EFHB: variants seen among roughly 807,000 people sequenced by gnomAD.
EFHB encodes the protein EF-hand domain family member B.
Under a neutral mutation model 87.2 loss-of-function variants are expected in EFHB, and 91 were observed. The ratio of observed to expected loss-of-function variants is 1.04; its 90% CI spans 0.88 to 1.24. The LOEUF is 1.24. EFHB is among the 50% of genes most tolerant of loss of function. EFHB has a pLI of 0.00. For missense variants in EFHB, 1,084 were observed against 998.8 expected (o/e 1.09, Z -1.15); for synonymous variants, 325 against 333.6 (o/e 0.97, Z 0.28).
chr3:19,904,289 A>C (rs754199916), intron 6 of EFHB, among the ~76,000 whole-genome samples: 3 of 152,232 alleles, frequency 2.0e-5, no homozygotes, highest in Admixed American at 6.5e-5. Flanking sequence ...TCACAGTCCT[A>C]GAAGCCAGAA....
intron 1 of EFHB, among the ~76,000 whole-genome samples, chr3:19,942,762 A>G (rs1243803299): frequency 6.6e-6 from 1 of 152,160 alleles, no homozygotes; most frequent in African/African-American, 2.4e-5. Context: ...AATTCACAAT[A>G]GAGTTCACAC....
At chr3:19,932,745 G>A (rs1299188818) in intron 1 of EFHB, among the ~76,000 whole-genome samples, 3 of 152,068 alleles carry the variant, frequency 2.0e-5, no homozygotes, top group African/African-American at 4.8e-5. Flanking sequence ...TCCATTACTG[G>A]AGTGAGCCTA....
At chr3:19,937,721 C>CT (rs1491042493), upstream of EFHB, among the ~76,000 whole-genome samples, 48 of 152,160 alleles carry the variant, frequency 3.2e-4, no homozygotes, top group African/African-American at 1.1e-3. Context: ...TACCAAGAGT[C>CT]TGAGTCACTC....
intron 1 of EFHB, among the ~76,000 whole-genome samples, chr3:19,923,942 T>C (rs1375281422): frequency 1.3e-5 from 2 of 152,172 alleles, no homozygotes; most frequent in Non-Finnish European, 2.9e-5. Flanking sequence ...TTTTAATATG[T>C]ACTGATGAGC....
chr3:19,941,400 G>A, intron 1 of EFHB: 1 of 166,932 alleles, frequency 6.0e-6, no homozygotes, highest in Non-Finnish European at 1.3e-5. Flanking sequence ...ATGTCAGACA[G>A]CTCTCTTATT....
intron 10 of EFHB, among the ~76,000 whole-genome samples, chr3:19,887,666 C>CA (rs528503940): frequency 1.2e-3 from 187 of 152,022 alleles, no homozygotes; most frequent in African/African-American, 4.3e-3. Context: ...CAAAATGTCG[C>CA]AAAAAAATCT....
In EFHB at chr3:19,884,477, C is replaced by T. The variant is rs1301338710; in HGVS notation, c.2072G>A (p.Ser691Asn). 6.2e-7 allele frequency: 1 copy of T among 1,613,824 alleles called. No homozygotes were observed. The highest frequency in any genetic ancestry group is 8.5e-7 in the Non-Finnish European group (1 of 1,179,890). The change falls in exon 11 of 13, where the codon AGT becomes AAT. Residue 691 changes from serine to asparagine, a missense_variant. By Grantham distance (46) the Ser-to-Asn change is conservative (BLOSUM62 1). Transcript: ENST00000295824. ...CTTATAGTAGTTGGAAACTTTATCA[C>T]TTGGTCTCAGAAGTGTCCGGAGAGT... Reference protein sequence around the residue: ...EKTLRTLLRPSDKVSNYYKTT... With the variant: ...EKTLRTLLRPNDKVSNYYKTT...
At chr3:19,942,772 C>A (rs1575060126) in intron 1 of EFHB, among the ~76,000 whole-genome samples, 1 of 152,222 alleles carries the variant, frequency 6.6e-6, no homozygotes, top group South Asian at 2.1e-4. Flanking sequence ...AGAGTTCACA[C>A]TCCTATGAGA....
At chr3:19,912,911 A>C (rs1478136187) in intron 5 of EFHB, among the ~76,000 whole-genome samples, 1 of 152,218 alleles carries the variant, frequency 6.6e-6, no homozygotes, top group African/African-American at 2.4e-5. Flanking sequence ...TCATATCAAC[A>C]GAATGAAGAG....
At chr3:19,946,771 G>A (rs1251335604) in intron 1 of EFHB, 1 of 152,110 alleles carries the variant, frequency 6.6e-6, no homozygotes, top group African/African-American at 2.4e-5. Flanking sequence ...ACAAGGGCTG[G>A]GCACAAAAAA....
upstream of EFHB, among the ~76,000 whole-genome samples, chr3:19,938,424 A>G (rs1032084719): frequency 6.6e-6 from 1 of 152,368 alleles, no homozygotes; most frequent in Admixed American, 6.5e-5. Context: ...ACACATGCTC[A>G]TAATTTTGAA....
rs76305623 is a variant in EFHB, at chr3:19,888,638, A to T, written c.1739T>A (p.Met580Lys). 0.12 allele frequency: 191,247 copies of T among 1,603,718 alleles called. 12,626 individuals carry two copies. Among genetic ancestry groups the T allele is most frequent in the South Asian group, 0.24 (20,895 of 88,848 alleles). Residue 580 changes from methionine (M) to lysine (K), a missense_variant, in exon 10 of 13, where the codon ATG becomes AAG. Coordinates refer to ENST00000295824, the MANE Select transcript of EFHB (RefSeq NM_144715.4). ...FRHYDKKGDG[M>K]IDKDELQEAC... ...TTCCTGCAGCTCGTCTTTATCTATC[A>T]TCCCATCTCCCTTCTGTTATACAGG...
rs59547593 is a variant in EFHB at position 19,908,598 on chromosome 3, G to GAAAGAAAGAAAGAA, written c.1289-2850_1289-2849insTTCTTTCTTTCTTT. On this transcript the variant is annotated intron_variant, in intron 5 of 12. Transcript: ENST00000295824. ...AGAGAGAGAGAGAGAGAGAGAGAGAGAGAAAGAAAGAAAGAAAGAAAGAAA... is the reference window on the plus strand; with the variant it reads ...AGAGAGAGAGAGAGAGAGAGAGAGAGAAAGAAAGAAAGAAAGAAAGAAAGAAAGAAAGAAAGAAA... Among the ~76,000 whole-genome samples the GAAAGAAAGAAAGAA allele has an allele frequency of 1.4e-4, 11 of 77,854 alleles. No individual in the cohort carries two copies. In the East Asian group the frequency reaches 1.7e-3, roughly 12 times the overall value. 51.1% of individuals were successfully genotyped at this position (77,854 alleles called of 152,430 possible). A position where few individuals can be genotyped will look rare whatever the true frequency, so the allele number is the denominator to read the frequency against.
intron 9 of EFHB, among the ~76,000 whole-genome samples, chr3:19,889,433 G>A (rs1694223913): frequency 6.6e-6 from 1 of 152,130 alleles, no homozygotes; most frequent in Admixed American, 6.5e-5. Flanking sequence ...CCTGCTATAA[G>A]GGAGCTTTGG....
chr3:19,912,342 T>C (rs1695090734), intron 5 of EFHB, among the ~76,000 whole-genome samples: 1 of 152,120 alleles, frequency 6.6e-6, no homozygotes, highest in South Asian at 2.1e-4. Context: ...GAATAGTATA[T>C]CTTATCTGCT....
At chr3:19,908,455 C>T (rs954251585) in intron 5 of EFHB, among the ~76,000 whole-genome samples, 2 of 151,764 alleles carry the variant, frequency 1.3e-5, no homozygotes, top group Non-Finnish European at 2.9e-5. Context: ...ATTGCTTGAA[C>T]CCAGGAGGCA....
intron 1 of EFHB, chr3:19,940,638 A>AG (rs1696135192): frequency 2.5e-6 from 1 of 400,486 alleles, no homozygotes; most frequent in South Asian, 1.8e-5. Flanking sequence ...CCACACATTT[A>AG]ATGTCTTTCT....
intron 1 of EFHB, among the ~76,000 whole-genome samples, chr3:19,941,732 C>T (rs1280371513): frequency 6.6e-6 from 1 of 151,748 alleles, no homozygotes; most frequent in Non-Finnish European, 1.5e-5. Flanking sequence ...TGGTGCATGC[C>T]TGTAATCCCA....
At chr3:19,935,523 C>T (rs1305968337), upstream of EFHB, among the ~76,000 whole-genome samples, 1 of 151,802 alleles carries the variant, frequency 6.6e-6, no homozygotes, top group Non-Finnish European at 1.5e-5. Context: ...ACCAGCCTGG[C>T]CAACATCGCG....
Sources: gnomAD v4.1 joint callset for allele counts (sites outside exome capture counted in the v4.1 genomes callset) on GRCh38, gnomAD v4.1.1 for gene constraint, MANE v1.5 for transcripts, NCBI Gene and HGNC (gene_info 2026-07-23, HGNC 2026-07-21) for gene names.